The following ADGRG7 variants were observed in gnomAD, a reference collection of about 807,000 sequenced individuals.
The protein encoded by ADGRG7 is G-protein coupled receptor 128.
Under a neutral mutation model 88.6 loss-of-function variants are expected in ADGRG7, and 82 were observed. That is an observed-to-expected ratio of 0.93 (90% confidence interval 0.77 to 1.11). ADGRG7 has a LOEUF of 1.11. Among genes scored for constraint, ADGRG7 ranks in the 50% most tolerant of loss-of-function variants. ADGRG7 has a pLI of 0.00. For missense variants in ADGRG7, 945 were observed against 953.4 expected (o/e 0.99, Z 0.12); for synonymous variants, 381 against 345.2 (o/e 1.10, Z -1.15).
intron 11 of ADGRG7, among the ~76,000 whole-genome samples, chr3:100,653,334 G>A (rs2094932410): frequency 6.6e-6 from 1 of 152,124 alleles, no homozygotes; most frequent in Non-Finnish European, 1.5e-5. Flanking sequence ...CTGTTACACT[G>A]TTATGGGAAA....
chr3:100,694,838 G>A lies in ADGRG7; in HGVS notation c.2231G>A (p.Arg744Lys). ...ATGTTGCTATCGTCTATTGGGAGAAGGAAGTCATTGCCTTCAGTGACGCGG... is the reference window on the plus strand; with the variant it reads ...ATGTTGCTATCGTCTATTGGGAGAAAGAAGTCATTGCCTTCAGTGACGCGG... ...VLMLLSSIGR[R>K]KSLPSVTRPR... is the part of the protein sequence containing the mutation. The change falls in exon 16 of 16, where the codon AGG (arginine) becomes AAG (lysine). Residue 744 changes from arginine (R) to lysine (K), a missense_variant. Transcript: ENST00000273352. The A allele has an allele frequency of 1.2e-6, 2 of 1,614,176 alleles. No homozygotes were observed. The highest frequency in any genetic ancestry group is 1.7e-6 in the Non-Finnish European group (2 of 1,180,036).
Position 100,669,102 on chromosome 3 carries a change from A to G in ADGRG7, c.2133A>G (p.Thr711=), listed in dbSNP as rs780285584. The G allele has an allele frequency of 2.5e-6, 4 of 1,579,386 alleles. No homozygotes were observed. The highest frequency in any genetic ancestry group is 2.3e-5 in the East Asian group (1 of 43,754). The change falls in exon 15 of 16, where the codon ACA becomes ACG. Residue 711 remains threonine (T), a synonymous_variant. Transcript: ENST00000273352. ...FSYIFCLFNT[T]QGLQIFILYT... ...ACATATTCTGCCTTTTCAACACTAC[A>G]CAGGTATGGTGCGGATTAGTCTGAA... is the stretch of plus-strand genomic sequence containing the variant.
chr3:100,683,247 C>G (rs2094976533), intron 15 of ADGRG7, among the ~76,000 whole-genome samples: 1 of 152,160 alleles, frequency 6.6e-6, no homozygotes, highest in Non-Finnish European at 1.5e-5. Flanking sequence ...AGAGCTGTAA[C>G]GCAAACAGGG....
chr3:100,646,162 A>G, intron 9 of ADGRG7, 54 bp downstream of exon 9: 1 of 1,245,326 alleles, frequency 8.0e-7, no homozygotes, highest in East Asian at 5.0e-5. Flanking sequence ...TTTCTTTCTG[A>G]TGGTGGCAGC....
At chr3:100,620,112 G>C (rs1707286783) in intron 1 of ADGRG7, among the ~76,000 whole-genome samples, 1 of 152,130 alleles carries the variant, frequency 6.6e-6, no homozygotes, top group Admixed American at 6.6e-5. Flanking sequence ...CAAAAAAAGA[G>C]AATTTTAGAC....
At chr3:100,665,518 C>A in intron 14 of ADGRG7, 1 of 467,648 alleles carries the variant, frequency 2.1e-6, no homozygotes, top group Non-Finnish European at 4.3e-6. Flanking sequence ...CACTTGGGCA[C>A]CTTTTTCTAG....
At chr3:100,655,552 A>G (rs1410159804) in intron 12 of ADGRG7, among the ~76,000 whole-genome samples, 1 of 152,184 alleles carries the variant, frequency 6.6e-6, no homozygotes, top group Non-Finnish European at 1.5e-5. Flanking sequence ...TATTTGAAAA[A>G]TTTATTGGGT....
chr3:100,669,333 C>T (rs2094955462), intron 15 of ADGRG7, among the ~76,000 whole-genome samples: 1 of 151,646 alleles, frequency 6.6e-6, no homozygotes, highest in African/African-American at 2.4e-5. Flanking sequence ...AAAAAAAATA[C>T]AAAAAATTAG....
chr3:100,648,478 A>T (rs1707795266), intron 10 of ADGRG7, among the ~76,000 whole-genome samples: 1 of 152,198 alleles, frequency 6.6e-6, no homozygotes, highest in Non-Finnish European at 1.5e-5. Flanking sequence ...TTTTATTTCT[A>T]TAAAAGCAAT....
intron 11 of ADGRG7, among the ~76,000 whole-genome samples, chr3:100,652,838 A>T (rs1402087952): frequency 1.3e-5 from 2 of 151,964 alleles, no homozygotes; most frequent in African/African-American, 4.8e-5. Context: ...GCTGGTAAAC[A>T]AGGCCGGCCT....
At chr3:100,686,785 A>C (rs1158395648) in intron 15 of ADGRG7, among the ~76,000 whole-genome samples, 1 of 152,158 alleles carries the variant, frequency 6.6e-6, no homozygotes, top group African/African-American at 2.4e-5. Flanking sequence ...GTAGCCTTGT[A>C]GTATAGTTTG....
At chr3:100,673,527 T>A (rs1384137758) in intron 15 of ADGRG7, among the ~76,000 whole-genome samples, 1 of 151,608 alleles carries the variant, frequency 6.6e-6, no homozygotes, top group East Asian at 1.9e-4. Context: ...AATGGTGTGA[T>A]CTCAGCTCAC....
chr3:100,659,150 A>T (rs1309342802), intron 13 of ADGRG7, among the ~76,000 whole-genome samples: 3 of 152,132 alleles, frequency 2.0e-5, no homozygotes, highest in African/African-American at 7.2e-5. Context: ...ATGCCCATCA[A>T]GGCTGGGTGC....
At chr3:100,646,169 CA>C in intron 9 of ADGRG7, 61 bp downstream of exon 9, 2 of 1,325,784 alleles carry the variant, frequency 1.5e-6, no homozygotes, top group Non-Finnish European at 1.0e-6. Flanking sequence ...CTGATGGTGG[CA>C]GCTGAGACTG....
intron 1 of ADGRG7, among the ~76,000 whole-genome samples, chr3:100,620,572 G>A (rs891021589): frequency 6.6e-6 from 1 of 152,136 alleles, no homozygotes; most frequent in African/African-American, 2.4e-5. Context: ...AATCAGGCAG[G>A]AGAAGGAAAT....
At chr3:100,653,766 A>G (rs1279336484) in intron 11 of ADGRG7, among the ~76,000 whole-genome samples, 1 of 151,206 alleles carries the variant, frequency 6.6e-6, no homozygotes, top group Non-Finnish European at 1.5e-5. Context: ...CTCCCTCTCC[A>G]TACAGTCTCA....
intron 13 of ADGRG7, 44 bp downstream of exon 13, chr3:100,656,039 G>A (rs367623607): frequency 2.1e-5 from 25 of 1,212,420 alleles, no homozygotes; most frequent in African/African-American, 1.2e-4. Flanking sequence ...TGACCTAAAA[G>A]TGTAACTGTT....
intron 15 of ADGRG7, among the ~76,000 whole-genome samples, chr3:100,671,754 A>C (rs1395380765): frequency 2.0e-5 from 3 of 152,182 alleles, no homozygotes; most frequent in African/African-American, 7.2e-5. Context: ...GAAGGGGTCC[A>C]GTTTCAGTTT....
intron 15 of ADGRG7, among the ~76,000 whole-genome samples, chr3:100,691,188 G>A (rs2094993067): frequency 6.6e-6 from 1 of 152,224 alleles, no homozygotes; most frequent in African/African-American, 2.4e-5. Flanking sequence ...ATCTCCTGGT[G>A]TGCCGTTTGT....
Sources: gnomAD v4.1 joint callset for allele counts (sites outside exome capture counted in the v4.1 genomes callset) on GRCh38, gnomAD v4.1.1 for gene constraint, MANE v1.5 for transcripts, NCBI Gene and HGNC (gene_info 2026-07-23, HGNC 2026-07-21) for gene names.